Variants in IPO11 observed in about 807,000 individuals in gnomAD.
The protein encoded by IPO11 is importin 11, also known as importin-11.
Under a neutral mutation model 143.2 loss-of-function variants are expected in IPO11, and 66 were observed. That is an observed-to-expected ratio of 0.46 (90% CI 0.38 to 0.57). The LOEUF (loss-of-function observed/expected upper bound fraction) is 0.57, where lower values mean the gene tolerates loss of function less well. Ranked by LOEUF, IPO11 falls within the 20% of genes least tolerant of loss-of-function variation. IPO11 has a pLI of 0.00. For missense variants in IPO11, 1,026 were observed against 1,141.0 expected (o/e 0.90, Z 1.45); for synonymous variants, 385 against 377.8 (o/e 1.02, Z -0.22).
rs1580178597 is a variant in IPO11, at chr5:62,439,255, A to G, written c.138+1838A>G. On this transcript the variant is annotated intron_variant, in intron 2 of 29. Transcript: ENST00000325324. ...GTTGTCTTTTTATGTATTAATAACTATACCTTATTAATAATACTAACTGCG... is the reference window on the plus strand; with the variant it reads ...GTTGTCTTTTTATGTATTAATAACTGTACCTTATTAATAATACTAACTGCG... 2.1e-5 allele frequency among the ~76,000 whole-genome samples: 3 copies of G among 141,496 alleles called. No individual in the cohort carries two copies. In the South Asian group the frequency reaches 6.8e-4, roughly 32 times the overall value. The allele number at this position is 141,496 out of a possible 152,430, so 92.8% of individuals were successfully genotyped here. A position where few individuals can be genotyped will look rare whatever the true frequency, so the allele number is the denominator to read the frequency against.
At chr5:62,490,858 C>T (rs779153242) in intron 15 of IPO11, among the ~76,000 whole-genome samples, 6 of 152,110 alleles carry the variant, frequency 3.9e-5, no homozygotes, top group African/African-American at 7.2e-5. Context: ...CAGGTCCAAG[C>T]GATTCTTGTG....
chr5:62,526,309 T>C (rs1414639503), intron 21 of IPO11, 52 bp downstream of exon 21: 1 of 1,258,588 alleles, frequency 7.9e-7, no homozygotes, highest in Admixed American at 1.7e-5. Context: ...TGACCTTTCC[T>C]ACTCTCATGC....
At position 62,478,486 on chromosome 5, in the gene IPO11, A is replaced by G. The variant is rs1402203483; in HGVS notation, c.828+1733A>G. On this transcript the variant is annotated intron_variant, in intron 9 of 29. Transcript: ENST00000325324. ...CTGGCCTGTTTTATTTTTTTTAAAT[A>G]GGATCTTAACACAATTTTATATTTA... is the stretch of plus-strand genomic sequence containing the variant. Among the ~76,000 whole-genome samples, 5 of 152,236 alleles carry G rather than the reference A, an allele frequency of 3.3e-5. No homozygotes were observed. In the East Asian group the frequency reaches 9.6e-4, roughly 29 times the overall value.
intron 19 of IPO11, 115 bp downstream of exon 19, chr5:62,506,472 A>G (rs985293799): frequency 1.2e-5 from 7 of 587,282 alleles, no homozygotes; most frequent in African/African-American, 5.5e-5. Flanking sequence ...AAATGCTTCT[A>G]ACTTATAGAT....
At chr5:62,557,093 G>A (rs1743598973) in intron 26 of IPO11, among the ~76,000 whole-genome samples, 3 of 152,132 alleles carry the variant, frequency 2.0e-5, no homozygotes, top group Admixed American at 2.0e-4. Flanking sequence ...CCATTTGAAT[G>A]CTTGGCCTCA....
chr5:62,503,613 G>T (rs16890800), intron 16 of IPO11, among the ~76,000 whole-genome samples: 70,822 of 151,644 alleles, frequency 0.47, 16,719 homozygotes, highest in South Asian at 0.53. Context: ...AGGTCATTTT[G>T]TGGCAGATCA....
intron 4 of IPO11, among the ~76,000 whole-genome samples, chr5:62,451,275 T>G (rs1202881757): frequency 6.6e-6 from 1 of 152,184 alleles, no homozygotes; most frequent in Non-Finnish European, 1.5e-5. Context: ...AAATTAAAAC[T>G]GAGAAACTTA....
intron 5 of IPO11, among the ~76,000 whole-genome samples, chr5:62,456,429 G>A (rs1455982533): frequency 6.6e-6 from 1 of 152,138 alleles, no homozygotes; most frequent in Non-Finnish European, 1.5e-5. Context: ...GGGAGCAATT[G>A]TAATGAAGTT....
chr5:62,480,150 C>G (rs1052067462), intron 9 of IPO11, among the ~76,000 whole-genome samples: 10 of 152,190 alleles, frequency 6.6e-5, no homozygotes, highest in African/African-American at 2.4e-4. Context: ...TTTCAGCTTT[C>G]TACATATGGC....
chr5:62,550,339 A>T, intron 24 of IPO11, 28 bp from the exon 25 acceptor site: 1 of 1,508,926 alleles, frequency 6.6e-7, no homozygotes, highest in Non-Finnish European at 9.2e-7. Context: ...TTGCAGTATT[A>T]TCACCAATCT....
intron 28 of IPO11, among the ~76,000 whole-genome samples, chr5:62,595,390 C>T (rs1561378902): frequency 6.6e-6 from 1 of 152,174 alleles, no homozygotes. Flanking sequence ...TGACATATGA[C>T]ATACACATGC....
At chr5:62,459,350 T>C (rs1414107962) in intron 5 of IPO11, among the ~76,000 whole-genome samples, 1 of 151,922 alleles carries the variant, frequency 6.6e-6, no homozygotes, top group Non-Finnish European at 1.5e-5. Context: ...ATGTCCTTCA[T>C]TGACATTCCT....
At position 62,609,708 on chromosome 5, in the gene IPO11, A is replaced by G. The variant is rs540411204; in HGVS notation, c.2763+7860A>G. On this transcript the variant is annotated intron_variant, in intron 29 of 29. Coordinates refer to ENST00000325324, the MANE Select transcript of IPO11 (RefSeq NM_016338.5). Reference sequence around the variant, plus strand: ...CTGCCCCTAGGCCTCCCAGTCACCAATGTCTTCCTGGTTTGAGTTTATGCT... The same window carrying G: ...CTGCCCCTAGGCCTCCCAGTCACCAGTGTCTTCCTGGTTTGAGTTTATGCT... Among the ~76,000 whole-genome samples the G allele has an allele frequency of 1.8e-4, 28 of 152,334 alleles. 1 individual carries two copies. The highest frequency in any genetic ancestry group is 1.7e-3 in the South Asian group (8 of 4,828).
intron 3 of IPO11, among the ~76,000 whole-genome samples, chr5:62,449,228 A>G (rs538433514): frequency 9.9e-5 from 15 of 152,174 alleles, no homozygotes; most frequent in Non-Finnish European, 1.9e-4. Flanking sequence ...ACACATTCAT[A>G]CGTATGTATT....
intron 6 of IPO11, among the ~76,000 whole-genome samples, chr5:62,467,570 T>G (rs1745614958): frequency 6.6e-6 from 1 of 152,236 alleles, no homozygotes; most frequent in Non-Finnish European, 1.5e-5. Context: ...TTTCTCATTC[T>G]GGACCCCTAC....
chr5:62,481,207 C>T (rs1254808624), intron 9 of IPO11, among the ~76,000 whole-genome samples: 1 of 152,048 alleles, frequency 6.6e-6, no homozygotes, highest in Non-Finnish European at 1.5e-5. Flanking sequence ...CATGAGCCAC[C>T]GCGCCTGGCC....
intron 5 of IPO11, among the ~76,000 whole-genome samples, chr5:62,456,597 C>T (rs1224141956): frequency 1.3e-5 from 2 of 152,212 alleles, no homozygotes; most frequent in East Asian, 1.9e-4. Context: ...GCTGGGACCA[C>T]AGGCACGTAC....
intron 3 of IPO11, among the ~76,000 whole-genome samples, chr5:62,443,471 C>T (rs1018247376): frequency 6.6e-6 from 1 of 150,808 alleles, no homozygotes; most frequent in Non-Finnish European, 1.5e-5. Context: ...AAGGATCATG[C>T]TGAGTCAGTC....
chr5:62,587,172 G>A (rs1232201719), intron 27 of IPO11, among the ~76,000 whole-genome samples: 3 of 151,958 alleles, frequency 2.0e-5, no homozygotes, highest in Non-Finnish European at 4.4e-5. Flanking sequence ...TTGGAGGAGG[G>A]CGACACTGCT....
Sources: gnomAD v4.1 joint callset for allele counts (sites outside exome capture counted in the v4.1 genomes callset) on GRCh38, gnomAD v4.1.1 for gene constraint, MANE v1.5 for transcripts, NCBI Gene and HGNC (gene_info 2026-07-23, HGNC 2026-07-21) for gene names.